Variants in COX6C observed in about 807,000 individuals in gnomAD.
COX6C encodes the protein cytochrome c oxidase polypeptide VIc.
COX6C carries 3 observed loss-of-function variants against 6.9 expected under a neutral mutation model. The ratio of observed to expected loss-of-function variants is 0.43; its 90% CI spans 0.20 to 1.12. The LOEUF (loss-of-function observed/expected upper bound fraction) is 1.12, where lower values mean the gene tolerates loss of function less well. COX6C is among the 50% of genes most tolerant of loss of function. The pLI, the probability that COX6C is intolerant of heterozygous loss-of-function variation, is 0.27. For synonymous variants in COX6C, 32 were observed against 32.0 expected (o/e 1.00, Z 0.00); for missense variants, 101 against 97.3 (o/e 1.04, Z -0.16).
chr8:99,890,694 C>A (rs1390251726), intron 2 of COX6C, among the ~76,000 whole-genome samples: 1 of 152,170 alleles, frequency 6.6e-6, no homozygotes, highest in African/African-American at 2.4e-5. Flanking sequence ...GCTCTGAATT[C>A]TTTCATGGGG....
chr8:99,881,257 G>A (rs1353388046), intron 3 of COX6C, among the ~76,000 whole-genome samples: 2 of 151,990 alleles, frequency 1.3e-5, no homozygotes, highest in Non-Finnish European at 2.9e-5. Flanking sequence ...CTACTCGGGA[G>A]GCTGAGGCAT....
intron 2 of COX6C, 145 bp downstream of exon 2, chr8:99,891,763 G>A (rs1818055465): frequency 2.8e-6 from 2 of 707,820 alleles, no homozygotes; most frequent in Admixed American, 2.4e-5. Context: ...TAAAGATGGA[G>A]GACAAGCTAT....
chr8:99,891,945 G>A lies in COX6C; in HGVS notation c.77C>T (p.Ala26Val), dbSNP rs1818059132. The A allele has an allele frequency of 8.1e-6, 13 of 1,614,148 alleles. No individual in the cohort carries two copies. The highest frequency in any genetic ancestry group is 8.5e-6 in the Non-Finnish European group (10 of 1,180,036). Residue 26 changes from alanine to valine, a missense_variant, in exon 2 of 4, where the codon GCA becomes GTA. Physicochemically the swap from Ala to Val is moderately conservative, Grantham distance 64 (BLOSUM62 0). Coordinates refer to ENST00000520468, the MANE Select transcript of COX6C (RefSeq NM_004374.4). Reference sequence around the variant, plus strand: ...TGCAACCCCCAGGGATAGCACGAATGCTACAGCCATATGATTTCGCAGACG... The same window carrying A: ...TGCAACCCCCAGGGATAGCACGAATACTACAGCCATATGATTTCGCAGACG... ...ARRLRNHMAV[A>V]FVLSLGVAAL...
chr8:99,882,563 GAATAATATTAAACAA>G (rs1817880400), intron 3 of COX6C, among the ~76,000 whole-genome samples: 1 of 142,162 alleles, frequency 7.0e-6, no homozygotes, highest in Admixed American at 6.8e-5. Context: ...AAATGTAGCT[GAATAATATTAAACAA>G]AATGACTACA....
intron 1 of COX6C, among the ~76,000 whole-genome samples, chr8:99,892,263 A>G (rs1345798037): frequency 6.6e-6 from 1 of 152,100 alleles, no homozygotes; most frequent in Non-Finnish European, 1.5e-5. Context: ...TGATCATCCT[A>G]CCTCGTCCTC....
chr8:99,880,515 T>C (rs1817845758), intron 3 of COX6C, among the ~76,000 whole-genome samples: 1 of 151,832 alleles, frequency 6.6e-6, no homozygotes, highest in South Asian at 2.1e-4. Flanking sequence ...ACTAGAGGGA[T>C]TTAACAGCAG....
chr8:99,883,063 C>A (rs1817889416), intron 3 of COX6C, among the ~76,000 whole-genome samples: 1 of 152,116 alleles, frequency 6.6e-6, no homozygotes, highest in South Asian at 2.1e-4. Flanking sequence ...GCTGGGATTA[C>A]AGGCCTTATG....
intron 2 of COX6C, among the ~76,000 whole-genome samples, chr8:99,891,364 A>G (rs541685980): frequency 1.7e-4 from 26 of 152,306 alleles, no homozygotes; most frequent in African/African-American, 5.5e-4. Context: ...CAGCCTGAAC[A>G]ACGTGGCCAT....
At chr8:99,882,948 A>G (rs993276774) in intron 3 of COX6C, among the ~76,000 whole-genome samples, 1 of 151,974 alleles carries the variant, frequency 6.6e-6, no homozygotes, top group Non-Finnish European at 1.5e-5. Flanking sequence ...TCACACCCAC[A>G]TTATTTTTTG....
At chr8:99,891,297 T>C (rs545807634) in intron 2 of COX6C, among the ~76,000 whole-genome samples, 1 of 152,182 alleles carries the variant, frequency 6.6e-6, no homozygotes, top group Non-Finnish European at 1.5e-5. Context: ...ATGCCTGTAA[T>C]CCCAGCACTT....
At chr8:99,889,646 C>T (rs1470040358) in intron 2 of COX6C, among the ~76,000 whole-genome samples, 2 of 151,700 alleles carry the variant, frequency 1.3e-5, no homozygotes, top group Non-Finnish European at 2.9e-5. Flanking sequence ...CCTCAGCCTC[C>T]CAAAGTGCTG....
chr8:99,884,856 A>T (rs1422752173), intron 3 of COX6C, among the ~76,000 whole-genome samples: 1 of 152,330 alleles, frequency 6.6e-6, no homozygotes, highest in Non-Finnish European at 1.5e-5. Context: ...AGATACAAAT[A>T]AGAGGAAAGA....
At chr8:99,881,361 T>TAAAAAAAA (rs202059068) in intron 3 of COX6C, among the ~76,000 whole-genome samples, 1 of 139,834 alleles carries the variant, frequency 7.2e-6, no homozygotes. Context: ...CTCCATCTCT[T>TAAAAAAAA]AAAAAAAAAA....
chr8:99,881,037 T>C (rs1444307820), intron 3 of COX6C, among the ~76,000 whole-genome samples: 2 of 152,130 alleles, frequency 1.3e-5, no homozygotes, highest in African/African-American at 4.8e-5. Flanking sequence ...TATAAAGTTC[T>C]CTGGCAAAGA....
At chr8:99,883,621 A>G (rs1817902210) in intron 3 of COX6C, among the ~76,000 whole-genome samples, 1 of 151,938 alleles carries the variant, frequency 6.6e-6, no homozygotes, top group Admixed American at 6.6e-5. Context: ...ACCAGCACCA[A>G]TCCTCCTCAA....
At chr8:99,884,272 A>T (rs566827857) in intron 3 of COX6C, among the ~76,000 whole-genome samples, 3 of 152,326 alleles carry the variant, frequency 2.0e-5, no homozygotes, top group African/African-American at 7.2e-5. Context: ...AGAATACATG[A>T]ATTCTACTAA....
rs192216905 is a variant in COX6C, at chr8:99,879,114, T to C, written c.*16-849A>G. Among the ~76,000 whole-genome samples the C allele has an allele frequency of 5.2e-4, 79 of 152,360 alleles. 1 individual carries two copies. The highest frequency in any genetic ancestry group is 5.0e-3 in the Admixed American group (76 of 15,308). ...TGGCAAAAAGAAACTACATTGTTCT[T>C]TTTTGTTAAATATACACATAAGATT... On this transcript the variant is annotated intron_variant, in intron 3 of 3. Coordinates refer to ENST00000520468, the MANE Select transcript of COX6C (RefSeq NM_004374.4).
chr8:99,883,978 A>G (rs746709032), intron 3 of COX6C, among the ~76,000 whole-genome samples: 1 of 152,232 alleles, frequency 6.6e-6, no homozygotes, highest in African/African-American at 2.4e-5. Context: ...GATCAAAACT[A>G]TCAACAGAAG....
intron 3 of COX6C, among the ~76,000 whole-genome samples, chr8:99,881,677 AGAGT>A (rs778152089): frequency 2.0e-5 from 3 of 152,236 alleles, no homozygotes; most frequent in Non-Finnish European, 4.4e-5. Context: ...ATAAAATAAA[AGAGT>A]GAGGAAAGAA....
Sources: gnomAD v4.1 joint callset for allele counts (sites outside exome capture counted in the v4.1 genomes callset) on GRCh38, gnomAD v4.1.1 for gene constraint, MANE v1.5 for transcripts, NCBI Gene and HGNC (gene_info 2026-07-23, HGNC 2026-07-21) for gene names.